Variants in MPPED2 observed in about 807,000 individuals in gnomAD.
MPPED2 encodes the protein metallophosphoesterase domain containing 2.
In MPPED2, 5 loss-of-function variants were observed where a neutral mutation model predicts 33.0. The ratio of observed to expected loss-of-function variants is 0.15; its 90% CI spans 0.08 to 0.32. The LOEUF (loss-of-function observed/expected upper bound fraction) is 0.32. Among genes scored for constraint, MPPED2 ranks in the 10% least tolerant of loss-of-function variants. The probability of loss-of-function intolerance (pLI) is 1.00; values close to 1 mark genes in which losing one functional copy is unlikely to be tolerated. For synonymous variants in MPPED2, 136 were observed against 141.9 expected, an observed-to-expected ratio of 0.96 and a Z score of 0.29; for missense variants, 275 against 372.1, an observed-to-expected ratio of 0.74 and a Z score of 2.15.
chr11:30,522,912 G>A (rs1003879405), intron 3 of MPPED2, among the ~76,000 whole-genome samples: 2 of 152,144 alleles, frequency 1.3e-5, no homozygotes, highest in Non-Finnish European at 2.9e-5. Flanking sequence ...TACTATAAGG[G>A]ATTTTTAATG....
At chr11:30,542,736 T>C (rs546229975) in intron 2 of MPPED2, among the ~76,000 whole-genome samples, 1 of 152,302 alleles carries the variant, frequency 6.6e-6, no homozygotes, top group Admixed American at 6.5e-5. Flanking sequence ...TGATACATAG[T>C]CCATGCTCTG....
exon 7 of MPPED2, chr11:30,385,110 A>G (rs567170865): frequency 5.3e-5 from 8 of 152,340 alleles, no homozygotes; most frequent in Non-Finnish European, 1.5e-5. Context: ...AAGAATTGAG[A>G]CAAAGTTTTG....
intron 4 of MPPED2, among the ~76,000 whole-genome samples, chr11:30,460,630 T>TA (rs1343081925): frequency 1.3e-5 from 2 of 152,094 alleles, no homozygotes; most frequent in African/African-American, 4.8e-5. Context: ...CTCTAAAAAA[T>TA]AAAGACATTA....
chr11:30,517,563 C>T (rs997430528), intron 3 of MPPED2, among the ~76,000 whole-genome samples: 2 of 152,126 alleles, frequency 1.3e-5, no homozygotes, highest in South Asian at 2.1e-4. Context: ...CTATCCACGT[C>T]GAGAAGACGT....
chr11:30,403,246 C>CAAAAAAAAAAAAA (rs757620790), intron 6 of MPPED2, among the ~76,000 whole-genome samples: 2 of 107,698 alleles, frequency 1.9e-5, no homozygotes, highest in Non-Finnish European at 1.8e-5. Flanking sequence ...GACTCCGTCT[C>CAAAAAAAAAAAAA]AAAAAAAAAA....
Position 30,417,630 on chromosome 11 carries a change from G to T in MPPED2, c.540C>A (p.Thr180=). The T allele has an allele frequency of 1.3e-6, 2 of 1,595,236 alleles. No individual in the cohort carries two copies. Among genetic ancestry groups the T allele is most frequent in the Non-Finnish European group, 1.7e-6 (2 of 1,163,390 alleles). ...TAAAGCCCCATCCATTAAACCACGG[G>T]GTCCTTTGGGGGAGATAATGCACAT... ...KGFRIYGAPW[T]PWFNGWGFNL... The change falls in exon 5 of 7, where the codon ACC becomes ACA. Residue 180 remains threonine, a synonymous_variant. Transcript: ENST00000358117.
At chr11:30,457,340 C>T (rs1462659795) in intron 4 of MPPED2, among the ~76,000 whole-genome samples, 1 of 149,514 alleles carries the variant, frequency 6.7e-6, no homozygotes, top group Non-Finnish European at 1.5e-5. Context: ...AAAAGAGCTT[C>T]GCATTTATAG....
chr11:30,468,227 T>TACAC lies in MPPED2; in HGVS notation c.536+27068_536+27069insGTGT, dbSNP rs1491560438. On this transcript the variant is annotated intron_variant, in intron 4 of 6. Transcript: ENST00000358117. Reference sequence around the variant, plus strand: ...CCATGAAATCACAAATATGGCATACTATACACACACACACACACACACACA... The same window carrying TACAC: ...CCATGAAATCACAAATATGGCATACTACACATACACACACACACACACACACACA... Among the ~76,000 whole-genome samples, 879 of 101,200 alleles carry TACAC rather than the reference T, an allele frequency of 8.7e-3. 15 individuals carry two copies. The highest frequency in any genetic ancestry group is 0.032 in the African/African-American group (831 of 25,984). 66.4% of individuals were successfully genotyped at this position (101,200 alleles called of 152,430 possible).
chr11:30,419,191 G>A (rs1440150875), intron 4 of MPPED2, among the ~76,000 whole-genome samples: 4 of 152,214 alleles, frequency 2.6e-5, no homozygotes, highest in South Asian at 2.1e-4. Context: ...TTTAAGCCTC[G>A]CAGCAAACTC....
chr11:30,577,853 C>T (rs1028292960), intron 2 of MPPED2, among the ~76,000 whole-genome samples: 4 of 152,222 alleles, frequency 2.6e-5, no homozygotes, highest in South Asian at 4.1e-4. Context: ...AAGCATCAAT[C>T]TATTCTCTCT....
At chr11:30,475,961 G>T (rs895986840) in intron 4 of MPPED2, among the ~76,000 whole-genome samples, 1 of 151,992 alleles carries the variant, frequency 6.6e-6, no homozygotes, top group East Asian at 1.9e-4. Flanking sequence ...GTGGTATCTT[G>T]CTATGGTTTT....
intron 2 of MPPED2, among the ~76,000 whole-genome samples, chr11:30,564,957 G>C (rs1011033280): frequency 3.2e-4 from 49 of 152,074 alleles, no homozygotes; most frequent in African/African-American, 1.2e-3. Context: ...TCTCTGAACT[G>C]ACTCCAATTC....
rs368959540 is a variant in MPPED2, at chr11:30,411,410, A to G, written c.*58T>C. The stretch of plus-strand genomic sequence containing the variant: ...ATAAGTAAGAGAATGTAAGTTTATA[A>G]TTAGAAAAATGGCAGTTTATAGACC... On this transcript the variant is annotated 3_prime_UTR_variant, in exon 7 of 7. Coordinates refer to ENST00000358117, the MANE Select transcript of MPPED2 (RefSeq NM_001584.3). The G allele has an allele frequency of 1.8e-5, 28 of 1,541,120 alleles. No individual in the cohort carries two copies. In the East Asian group the frequency reaches 2.5e-4, roughly 14 times the overall value.
intron 2 of MPPED2, among the ~76,000 whole-genome samples, chr11:30,573,428 T>C (rs1334419468): frequency 6.6e-6 from 1 of 152,194 alleles, no homozygotes; most frequent in Non-Finnish European, 1.5e-5. Flanking sequence ...GTACTCCTTC[T>C]ACTTATTAAA....
chr11:30,400,792 GCT>G (rs1947898660), intron 6 of MPPED2, among the ~76,000 whole-genome samples: 1 of 145,384 alleles, frequency 6.9e-6, no homozygotes, highest in South Asian at 2.1e-4. Flanking sequence ...ATAGCATCTT[GCT>G]CTGTCACCCA....
chr11:30,403,962 A>T (rs1364903514), intron 6 of MPPED2, among the ~76,000 whole-genome samples: 2 of 152,188 alleles, frequency 1.3e-5, no homozygotes, highest in Non-Finnish European at 2.9e-5. Context: ...AGTTCCAGAG[A>T]GCTCATGAGG....
chr11:30,390,662 C>T lies in MPPED2; in HGVS notation c.767-1706G>A, dbSNP rs996953354. On this transcript the variant is annotated intron_variant, in intron 6 of 6. Coordinates refer to the MPPED2 transcript ENST00000448418. ...TGCTGTGTAACAAAGTACCCCAAAACCTAGTGGCTTAAAACAACAACTTAT... is the reference window on the plus strand; with the variant it reads ...TGCTGTGTAACAAAGTACCCCAAAATCTAGTGGCTTAAAACAACAACTTAT... 2.0e-5 allele frequency among the ~76,000 whole-genome samples: 3 copies of T among 152,184 alleles called. No individual in the cohort carries two copies. The South Asian group carries it at 6.2e-4, about 32-fold the overall frequency.
At chr11:30,559,775 T>C (rs1011602805) in intron 2 of MPPED2, among the ~76,000 whole-genome samples, 5 of 152,244 alleles carry the variant, frequency 3.3e-5, no homozygotes, top group African/African-American at 1.2e-4. Flanking sequence ...AAGGGCATTT[T>C]GTATCAAGCA....
intron 2 of MPPED2, among the ~76,000 whole-genome samples, chr11:30,555,797 T>C (rs1240051804): frequency 6.6e-6 from 1 of 152,174 alleles, no homozygotes; most frequent in Non-Finnish European, 1.5e-5. Flanking sequence ...GAAAATGGAC[T>C]AATACAATGA....
Sources: allele counts gnomAD v4.1 joint callset (sites outside exome capture counted in the v4.1 genomes callset), GRCh38; gene constraint gnomAD v4.1.1; transcripts MANE v1.5; gene names NCBI Gene and HGNC (gene_info 2026-07-23, HGNC 2026-07-21).